Variants in FAM229B observed in about 807,000 individuals in gnomAD.
FAM229B encodes the protein protein FAM229B.
A neutral mutation model predicts 6.7 loss-of-function variants in FAM229B; 2 were observed. The ratio of observed to expected loss-of-function variants is 0.30; its 90% confidence interval spans 0.12 to 0.94. FAM229B has a LOEUF of 0.94. FAM229B is among the 40% of genes least tolerant of loss of function. The pLI is 0.54. For synonymous variants in FAM229B, 29 were observed against 34.0 expected (o/e 0.85, Z 0.51); for missense variants, 93 against 96.2 (o/e 0.97, Z 0.14).
chr6:112,090,064 A>G lies in FAM229B; in HGVS notation c.-176+2344A>G, dbSNP rs116920838. Among the ~76,000 whole-genome samples the G allele has an allele frequency of 7.3e-4, 111 of 152,322 alleles. 1 individual carries two copies. The East Asian group carries it at 0.021, about 28-fold the overall frequency. ...AAAAAACAATTAATTAGAGTACTTTAGACTCATCTATATAGCACATTCAGT... is the reference window on the plus strand; with the variant it reads ...AAAAAACAATTAATTAGAGTACTTTGGACTCATCTATATAGCACATTCAGT... On this transcript the variant is annotated intron_variant, in intron 1 of 3. Transcript: ENST00000368656.
intron 1 of FAM229B, among the ~76,000 whole-genome samples, chr6:112,091,054 CTCTACTTT>C (rs112509596): frequency 0.23 from 34,818 of 151,902 alleles, 4,099 homozygotes; most frequent in East Asian, 0.32. Flanking sequence ...CCATTCTACT[CTCTACTTT>C]TATGAGCTTG....
chr6:112,095,758 C>T (rs1267824722), intron 1 of FAM229B, among the ~76,000 whole-genome samples: 8 of 142,298 alleles, frequency 5.6e-5, no homozygotes, highest in Admixed American at 2.9e-4. Context: ...AACATGTAAA[C>T]TATTACATTT....
Position 112,100,955 on chromosome 6 carries a change from G to A in FAM229B, c.*168G>A, listed in dbSNP as rs1373424232. On this transcript the variant is annotated 3_prime_UTR_variant, in exon 4 of 4. Coordinates refer to ENST00000368656, the MANE Select transcript of FAM229B (RefSeq NM_001033564.3). ...AAATGTAGTCAGTAAAGCACATGTA[G>A]TGATAGGCTATCAGTTATGTCTGAT... 4 of 592,732 alleles carry A rather than the reference G, an allele frequency of 6.7e-6. No homozygotes were observed. The highest frequency in any genetic ancestry group is 1.9e-5 in the African/African-American group (1 of 53,460). The allele number at this position is 592,732 out of a possible 1,614,324, so 36.7% of individuals were successfully genotyped here.
intron 2 of FAM229B, 81 bp from the exon 3 acceptor site, chr6:112,099,189 G>A (rs1459544877): frequency 5.6e-6 from 7 of 1,243,940 alleles, no homozygotes; most frequent in Non-Finnish European, 7.9e-6. Context: ...TTCCATGCAA[G>A]TCTTTGAAGA....
intron 1 of FAM229B, among the ~76,000 whole-genome samples, chr6:112,089,185 C>T (rs1777223349): frequency 6.6e-6 from 1 of 151,744 alleles, no homozygotes. Flanking sequence ...GACCAACATA[C>T]AGAGCAAATA....
At chr6:112,088,178 T>C (rs183866296) in intron 1 of FAM229B, among the ~76,000 whole-genome samples, 63 of 152,234 alleles carry the variant, frequency 4.1e-4, no homozygotes, top group Middle Eastern at 6.8e-3. Flanking sequence ...TGACTATAAG[T>C]GCAATAGGAT....
chr6:112,093,840 A>G (rs995754940), intron 1 of FAM229B, among the ~76,000 whole-genome samples: 1 of 152,172 alleles, frequency 6.6e-6, no homozygotes, highest in Non-Finnish European at 1.5e-5. Flanking sequence ...AAGTCTAAAT[A>G]AATTTAAAAG....
In FAM229B at chr6:112,097,026, T is replaced by C. The variant is rs1777335394; in HGVS notation, c.-175-15T>C. On this transcript the variant is annotated splice_polypyrimidine_tract_variant and intron_variant, in intron 1 of 3. Transcript: ENST00000368656. ...TTGTTGTTGGAGCTATGCATTGAGA[T>C]GTTTGATTCTTTAGCAGGTAGGAAA... is the stretch of plus-strand genomic sequence containing the variant. The C allele has an allele frequency of 6.6e-6, 1 of 152,236 alleles. No homozygotes were observed. Among genetic ancestry groups the C allele is most frequent in the Non-Finnish European group, 1.5e-5 (1 of 68,044 alleles). The allele number at this position is 152,236 out of a possible 1,614,324, so 9.4% of individuals were successfully genotyped here. A position where few individuals can be genotyped will look rare whatever the true frequency, so the allele number is the denominator to read the frequency against.
intron 1 of FAM229B, among the ~76,000 whole-genome samples, chr6:112,088,561 C>G (rs1302068234): frequency 6.6e-6 from 1 of 151,918 alleles, no homozygotes; most frequent in East Asian, 1.9e-4. Context: ...ATTGTCCCAC[C>G]AAGACACGTA....
chr6:112,099,511 CA>C, intron 3 of FAM229B, 103 bp downstream of exon 3: 1 of 1,154,218 alleles, frequency 8.7e-7, no homozygotes, highest in Non-Finnish European at 1.2e-6. Flanking sequence ...CTCAGCAATT[CA>C]AAAACATTGT....
chr6:112,087,665 C>A lies in FAM229B; in HGVS notation c.-231C>A. ...TGGGCTTCTGGACTGTATATCCTAG[C>A]TGCCTTGTCAACATCTTCGAGCATC... On this transcript the variant is annotated 5_prime_UTR_variant, in exon 1 of 4. In the 5' UTR this introduces an upstream ATG that the reference lacks. Transcript: ENST00000368656. 1 of 509,704 alleles carries A rather than the reference C, an allele frequency of 2.0e-6. No individual in the cohort carries two copies. 31.6% of individuals were successfully genotyped at this position (509,704 alleles called of 1,614,324 possible).
intron 1 of FAM229B, among the ~76,000 whole-genome samples, chr6:112,088,825 G>A (rs1554317859): frequency 6.6e-6 from 1 of 152,186 alleles, no homozygotes; most frequent in Admixed American, 6.5e-5. Flanking sequence ...GAATAGGTCT[G>A]TATCAGTGTG....
chr6:112,092,718 T>C (rs587612412), intron 1 of FAM229B, among the ~76,000 whole-genome samples: 4 of 152,118 alleles, frequency 2.6e-5, no homozygotes, highest in East Asian at 3.9e-4. Flanking sequence ...GTACTATAGA[T>C]AGAATTAAAG....
chr6:112,090,343 C>T (rs1342707429), intron 1 of FAM229B, among the ~76,000 whole-genome samples: 1 of 152,212 alleles, frequency 6.6e-6, no homozygotes, highest in African/African-American at 2.4e-5. Context: ...AGTTAAATCA[C>T]ATGCCTTCTA....
intron 1 of FAM229B, among the ~76,000 whole-genome samples, chr6:112,090,169 G>A (rs1554318035): frequency 6.6e-6 from 1 of 151,974 alleles, no homozygotes; most frequent in Non-Finnish European, 1.5e-5. Context: ...TGTAGCTTTT[G>A]TAAGTTGTCA....
chr6:112,089,702 A>G (rs952356733), intron 1 of FAM229B, among the ~76,000 whole-genome samples: 5 of 152,202 alleles, frequency 3.3e-5, no homozygotes, highest in Non-Finnish European at 7.3e-5. Context: ...AGAGATGCAC[A>G]TCAAATTATA....
chr6:112,093,765 C>A (rs890890718), intron 1 of FAM229B, among the ~76,000 whole-genome samples: 9 of 151,672 alleles, frequency 5.9e-5, no homozygotes, highest in South Asian at 2.1e-4. Context: ...CCAACTATAG[C>A]AGCATATACA....
chr6:112,091,818 T>G (rs1777260624), intron 1 of FAM229B, among the ~76,000 whole-genome samples: 1 of 151,764 alleles, frequency 6.6e-6, no homozygotes, highest in African/African-American at 2.4e-5. Flanking sequence ...TAAAAGAACA[T>G]TAAAGCAGTA....
rs782638554 is a variant in FAM229B at position 112,102,207 on chromosome 6, G to A, written c.*1420G>A. 2.0e-5 allele frequency: 3 copies of A among 152,272 alleles called. No homozygotes were observed. Among genetic ancestry groups the A allele is most frequent in the African/African-American group, 7.2e-5 (3 of 41,540 alleles). 9.4% of individuals were successfully genotyped at this position (152,272 alleles called of 1,614,324 possible). On this transcript the variant is annotated 3_prime_UTR_variant, in exon 4 of 4. Transcript: ENST00000368656. ...TGATGAAAAATTCCTCAGAGGGCTGGGCTTGGTGGCTCATGCCTGTAATCC... is the reference window on the plus strand; with the variant it reads ...TGATGAAAAATTCCTCAGAGGGCTGAGCTTGGTGGCTCATGCCTGTAATCC...
Sources: allele counts gnomAD v4.1 joint callset (sites outside exome capture counted in the v4.1 genomes callset), GRCh38; gene constraint gnomAD v4.1.1; transcripts MANE v1.5; gene names NCBI Gene and HGNC (gene_info 2026-07-23, HGNC 2026-07-21).